Variants in HORMAD1 observed in about 807,000 individuals in gnomAD.
HORMAD1 encodes the protein HORMA domain containing 1.
A neutral mutation model predicts 58.2 loss-of-function variants in HORMAD1; 33 were observed. That is an observed-to-expected ratio of 0.57 (90% CI 0.43 to 0.76). HORMAD1 has a LOEUF of 0.76. Ranked by LOEUF, HORMAD1 falls within the 30% of genes least tolerant of loss-of-function variation. HORMAD1 has a pLI of 0.00. For synonymous variants in HORMAD1, 137 were observed against 144.6 expected, an observed-to-expected ratio of 0.95 and a Z score of 0.38; for missense variants, 363 against 462.0, an observed-to-expected ratio of 0.79 and a Z score of 1.96.
intron 9 of HORMAD1, among the ~76,000 whole-genome samples, chr1:150,707,665 G>C (rs115933936): frequency 2.4e-3 from 359 of 152,344 alleles, no homozygotes; most frequent in African/African-American, 8.0e-3. Context: ...GCCGGGTGCT[G>C]TGGCTCACGC....
chr1:150,711,696 T>C (rs587675711), intron 6 of HORMAD1, 125 bp from the exon 7 acceptor site: 10 of 953,338 alleles, frequency 1.0e-5, no homozygotes, highest in Admixed American at 8.2e-5. Context: ...ACCCAAAATA[T>C]TACTTTTTCA....
intron 13 of HORMAD1, chr1:150,701,866 G>A (rs181074303): frequency 9.2e-5 from 14 of 152,184 alleles, no homozygotes; most frequent in South Asian, 2.1e-4. Flanking sequence ...ACTGAGCATG[G>A]TGCTCACTTC....
chr1:150,709,768 A>G (rs587708503), intron 7 of HORMAD1, among the ~76,000 whole-genome samples: 5 of 152,348 alleles, frequency 3.3e-5, no homozygotes, highest in South Asian at 2.1e-4. Flanking sequence ...CATTTGTTCA[A>G]TTCTGAGATA....
chr1:150,715,281 T>C (rs1175729395), intron 3 of HORMAD1, among the ~76,000 whole-genome samples: 1 of 152,176 alleles, frequency 6.6e-6, no homozygotes, highest in Non-Finnish European at 1.5e-5. Flanking sequence ...GCCATTGTTA[T>C]ACAAGAATCT....
chr1:150,717,945 C>CA (rs1238307213), intron 2 of HORMAD1, among the ~76,000 whole-genome samples: 4 of 149,042 alleles, frequency 2.7e-5, no homozygotes, highest in Admixed American at 6.7e-5. Flanking sequence ...GACTCCATCT[C>CA]AAAAAAAAAG....
intron 5 of HORMAD1, among the ~76,000 whole-genome samples, chr1:150,712,178 ACTG>A (rs1651923244): frequency 6.6e-6 from 1 of 152,196 alleles, no homozygotes; most frequent in African/African-American, 2.4e-5. Flanking sequence ...TATGTGTTAT[ACTG>A]AAAACAATGA....
At chr1:150,714,468 T>G in intron 4 of HORMAD1, 147 bp downstream of exon 4, 1 of 448,756 alleles carries the variant, frequency 2.2e-6, no homozygotes, top group Non-Finnish European at 4.0e-6. Context: ...AAAACTTCGG[T>G]GGAAAATTTA....
chr1:150,708,661 T>G (rs1314307415), intron 8 of HORMAD1, among the ~76,000 whole-genome samples: 1 of 152,224 alleles, frequency 6.6e-6, no homozygotes, highest in African/African-American at 2.4e-5. Context: ...AAATTATATT[T>G]CTATATTTCT....
intron 7 of HORMAD1, among the ~76,000 whole-genome samples, chr1:150,709,685 T>C (rs1651806106): frequency 6.6e-6 from 1 of 151,942 alleles, no homozygotes; most frequent in Admixed American, 6.6e-5. Flanking sequence ...CCTCTTGCAG[T>C]TGAGATAGAG....
intron 6 of HORMAD1, 119 bp downstream of exon 6, chr1:150,711,714 G>A (rs1651910991): frequency 1.1e-6 from 1 of 933,930 alleles, no homozygotes; most frequent in African/African-American, 1.6e-5. Context: ...TCATTCCATT[G>A]AATAGATCAG....
chr1:150,708,461 C>T lies in HORMAD1; in HGVS notation c.396-54G>A, dbSNP rs901178499. The T allele has an allele frequency of 1.6e-5, 18 of 1,128,718 alleles. No individual in the cohort carries two copies. The South Asian group carries it at 2.6e-4, about 16-fold the overall frequency. 69.9% of individuals were successfully genotyped at this position (1,128,718 alleles called of 1,614,324 possible). A position where few individuals can be genotyped will look rare whatever the true frequency, so the allele number is the denominator to read the frequency against. On this transcript the variant is annotated intron_variant, in intron 8 of 14. Coordinates refer to ENST00000361824, the MANE Select transcript of HORMAD1 (RefSeq NM_032132.5). Reference sequence around the variant, plus strand: ...TTATAAAACCTGTGGCTTCTAATATCATAACTTTACATTTTAACTATTTGA... The same window carrying T: ...TTATAAAACCTGTGGCTTCTAATATTATAACTTTACATTTTAACTATTTGA...
intron 3 of HORMAD1, among the ~76,000 whole-genome samples, chr1:150,715,294 G>C (rs1652035701): frequency 6.6e-6 from 1 of 151,998 alleles, no homozygotes; most frequent in Admixed American, 6.6e-5. Flanking sequence ...AAGAATCTTA[G>C]AATCTTATCC....
At chr1:150,717,640 A>T (rs974468592) in intron 2 of HORMAD1, among the ~76,000 whole-genome samples, 2 of 152,150 alleles carry the variant, frequency 1.3e-5, no homozygotes, top group African/African-American at 2.4e-5. Context: ...GTATTTCATT[A>T]AAAAAGTATA....
intron 10 of HORMAD1, among the ~76,000 whole-genome samples, chr1:150,704,669 T>C (rs1401634289): frequency 6.6e-6 from 1 of 151,940 alleles, no homozygotes; most frequent in Non-Finnish European, 1.5e-5. Flanking sequence ...CCCAGAAGTT[T>C]GAGGCTGCAG....
In HORMAD1 at chr1:150,698,251, G is replaced by C. The variant is rs1421576588; in HGVS notation, c.*403C>G. 6.5e-6 allele frequency: 1 copy of C among 152,702 alleles called. No homozygotes were observed. The highest frequency in any genetic ancestry group is 1.5e-5 in the Non-Finnish European group (1 of 68,482). The allele number at this position is 152,702 out of a possible 1,614,324, so 9.5% of individuals were successfully genotyped here. On this transcript the variant is annotated 3_prime_UTR_variant, in exon 15 of 15. Coordinates refer to ENST00000361824, the MANE Select transcript of HORMAD1 (RefSeq NM_032132.5). ...TTTTAATAACAGCACAATGACAAAA[G>C]AGCCAGTTAAATGGTATAATTTTAA...
intron 7 of HORMAD1, among the ~76,000 whole-genome samples, chr1:150,710,160 C>T (rs1015816817): frequency 2.0e-5 from 3 of 152,100 alleles, no homozygotes; most frequent in African/African-American, 4.8e-5. Flanking sequence ...CTCAGTCTCT[C>T]GTCCCACCCG....
chr1:150,704,272 C>G lies in HORMAD1; in HGVS notation c.871+5G>C. 6.3e-7 allele frequency: 1 copy of G among 1,585,920 alleles called. No homozygotes were observed. The highest frequency in any genetic ancestry group is 8.6e-7 in the Non-Finnish European group (1 of 1,166,734). ...AGTTAATGTACATTTTCATTAACTT[C>G]TTACCTTCAAGTTCAGAAGATGCAG... On this transcript the variant is annotated splice_donor_5th_base_variant and intron_variant, in intron 11 of 14. Transcript: ENST00000361824.
intron 5 of HORMAD1, among the ~76,000 whole-genome samples, chr1:150,712,614 T>A (rs1426340277): frequency 6.6e-6 from 1 of 152,180 alleles, no homozygotes; most frequent in African/African-American, 2.4e-5. Flanking sequence ...AGTGGCATGA[T>A]CTCAGCTTAC....
intron 5 of HORMAD1, among the ~76,000 whole-genome samples, chr1:150,713,223 A>G (rs587714160): frequency 1.3e-5 from 2 of 152,276 alleles, no homozygotes; most frequent in East Asian, 3.9e-4. Flanking sequence ...AAAAATTTTA[A>G]TGGCAATTTA....
Sources: gnomAD v4.1 joint callset for allele counts (sites outside exome capture counted in the v4.1 genomes callset) on GRCh38, gnomAD v4.1.1 for gene constraint, MANE v1.5 for transcripts, NCBI Gene and HGNC (gene_info 2026-07-23, HGNC 2026-07-21) for gene names.